The following SPINK9 variants were observed in gnomAD, a reference collection of about 807,000 sequenced individuals.
SPINK9 encodes the protein serine peptidase inhibitor Kazal type 9.
Under a neutral mutation model 10.8 loss-of-function variants are expected in SPINK9, and 3 were observed. The ratio of observed to expected loss-of-function variants is 0.28; its 90% confidence interval spans 0.13 to 0.72. SPINK9 has a LOEUF of 0.72. Ranked by LOEUF, SPINK9 falls within the 30% of genes least tolerant of loss-of-function variation. The pLI is 0.74. For synonymous variants in SPINK9, 30 were observed against 31.2 expected, an observed-to-expected ratio of 0.96 and a Z score of 0.12; for missense variants, 101 against 103.2, an observed-to-expected ratio of 0.98 and a Z score of 0.09.
In SPINK9 at chr5:148,339,730, A is replaced by G; in HGVS notation, c.*18A>G. 2 of 1,601,064 alleles carry G rather than the reference A, an allele frequency of 1.2e-6. No homozygotes were observed. The highest frequency in any genetic ancestry group is 1.7e-6 in the Non-Finnish European group (2 of 1,168,944). On this transcript the variant is annotated 3_prime_UTR_variant, in exon 4 of 4. Transcript: ENST00000377906. Reference sequence around the variant, plus strand: ...AATGTTAAATCTATCTTGTGAGTCCAAAATATCTTTTAATGCATCTATTCA... The same window carrying G: ...AATGTTAAATCTATCTTGTGAGTCCGAAATATCTTTTAATGCATCTATTCA...
chr5:148,335,896 A>T (rs1043854329), intron 1 of SPINK9, among the ~76,000 whole-genome samples: 1 of 152,214 alleles, frequency 6.6e-6, no homozygotes, highest in Non-Finnish European at 1.5e-5. Flanking sequence ...AATACTTTGT[A>T]TAATTTTTTA....
intron 2 of SPINK9, among the ~76,000 whole-genome samples, chr5:148,327,418 T>C (rs890270824): frequency 6.6e-6 from 1 of 152,172 alleles, no homozygotes; most frequent in Non-Finnish European, 1.5e-5. Flanking sequence ...CTTTGTCAGA[T>C]GAGTAGGTTG....
upstream of SPINK9, among the ~76,000 whole-genome samples, chr5:148,334,294 C>A (rs951197716): frequency 4.9e-4 from 74 of 152,018 alleles, no homozygotes; most frequent in African/African-American, 1.7e-3. Context: ...TTTACTAAAA[C>A]TAAATTTAGT....
upstream of SPINK9, among the ~76,000 whole-genome samples, chr5:148,331,685 T>C (rs373376198): frequency 6.6e-6 from 1 of 152,198 alleles, no homozygotes; most frequent in Non-Finnish European, 1.5e-5. Context: ...CCAGATTTGA[T>C]CATTCCACAA....
At chr5:148,338,649 A>G (rs1011781406) in intron 3 of SPINK9, 44 bp downstream of exon 3, 7 of 1,416,950 alleles carry the variant, frequency 4.9e-6, no homozygotes, top group Middle Eastern at 2.5e-4. Context: ...AGGTAAAAGT[A>G]TATATTAAGA....
At position 148,329,560 on chromosome 5, in the gene SPINK9, T is replaced by A. The variant is rs1056495178; in HGVS notation, c.118+5692T>A. ...TGCCTTCTGCTAGCTTTTGAATGTG[T>A]TTGCTCTTGCTTCTCTAGTTCTTTT... On this transcript the variant is annotated intron_variant, in intron 2 of 4. Transcript: ENST00000511717. Among the ~76,000 whole-genome samples, 14 of 152,346 alleles carry A rather than the reference T, an allele frequency of 9.2e-5. 1 individual carries two copies. The East Asian group carries it at 2.7e-3, about 29-fold the overall frequency.
At chr5:148,322,381 G>T (rs1267043299) in intron 1 of SPINK9, among the ~76,000 whole-genome samples, 1 of 152,132 alleles carries the variant, frequency 6.6e-6, no homozygotes, top group East Asian at 1.9e-4. Context: ...GATATAGAAT[G>T]TGCACAAAAT....
intron 1 of SPINK9, among the ~76,000 whole-genome samples, chr5:148,323,505 T>C (rs528735632): frequency 6.6e-6 from 1 of 152,312 alleles, no homozygotes; most frequent in East Asian, 1.9e-4. Context: ...TTATAAACTG[T>C]TTAATGTCAA....
upstream of SPINK9, among the ~76,000 whole-genome samples, chr5:148,331,127 C>G (rs572962675): frequency 6.6e-6 from 1 of 152,158 alleles, no homozygotes; most frequent in Non-Finnish European, 1.5e-5. Flanking sequence ...CCCAGTGAGA[C>G]GAACCCAGTA....
intron 2 of SPINK9, 21 bp from the exon 3 acceptor site, chr5:148,338,457 G>A (rs1037658795): frequency 1.3e-6 from 2 of 1,584,052 alleles, no homozygotes; most frequent in Non-Finnish European, 1.7e-6. Context: ...AGAGTTGAAG[G>A]TTTTTAATAT....
At chr5:148,331,868 G>C (rs953230521), upstream of SPINK9, among the ~76,000 whole-genome samples, 2 of 152,178 alleles carry the variant, frequency 1.3e-5, no homozygotes, top group African/African-American at 4.8e-5. Context: ...TAGCTTTGTA[G>C]TAAATTTTAA....
At chr5:148,326,759 C>T (rs993765493) in intron 2 of SPINK9, among the ~76,000 whole-genome samples, 9 of 151,836 alleles carry the variant, frequency 5.9e-5, no homozygotes, top group South Asian at 2.1e-4. Flanking sequence ...TGAGAACATG[C>T]GGTGTTTGGT....
chr5:148,336,030 A>G (rs1251193345), intron 1 of SPINK9, among the ~76,000 whole-genome samples: 1 of 152,184 alleles, frequency 6.6e-6, no homozygotes, highest in East Asian at 1.9e-4. Flanking sequence ...TTGAGTTAAA[A>G]TTGGCCTCCC....
chr5:148,324,176 A>C lies in SPINK9; in HGVS notation c.118+308A>C, dbSNP rs369865202. On this transcript the variant is annotated intron_variant, in intron 2 of 4. Transcript: ENST00000511717. Reference sequence around the variant, plus strand: ...TCAAGTTTTTTTCCCCTTGCTTGAAAAATGAAAACATTTCTATTCGTTAGA... The same window carrying C: ...TCAAGTTTTTTTCCCCTTGCTTGAACAATGAAAACATTTCTATTCGTTAGA... 5.3e-5 allele frequency among the ~76,000 whole-genome samples: 8 copies of C among 152,306 alleles called. No homozygotes were observed. The East Asian group carries it at 1.3e-3, about 26-fold the overall frequency.
In SPINK9 at chr5:148,335,582, C is replaced by G. The variant is rs1320419843; in HGVS notation, c.-32C>G. 1.9e-6 allele frequency: 3 copies of G among 1,609,760 alleles called. No individual in the cohort carries two copies. The highest frequency in any genetic ancestry group is 2.5e-6 in the Non-Finnish European group (3 of 1,177,154). On this transcript the variant is annotated 5_prime_UTR_variant, in exon 1 of 4. Coordinates refer to ENST00000377906, the MANE Select transcript of SPINK9 (RefSeq NM_001040433.2). The stretch of plus-strand genomic sequence containing the variant: ...ACGGACACCAGGTCACTTCTTTTCC[C>G]TACATCTGACTGCCTTGGCCACTTC...
exon 1 of SPINK9, chr5:148,321,338 G>T (rs1427145337): frequency 6.6e-6 from 1 of 152,108 alleles, no homozygotes; most frequent in East Asian, 1.9e-4. Flanking sequence ...GAAAGCCAAG[G>T]CTCAAGAACT....
At chr5:148,334,381 G>T (rs912472761), upstream of SPINK9, among the ~76,000 whole-genome samples, 9 of 152,084 alleles carry the variant, frequency 5.9e-5, no homozygotes, top group African/African-American at 2.2e-4. Context: ...TCAAGAAAAG[G>T]GTCCAGAGGA....
At chr5:148,325,789 G>C (rs1420349436) in intron 2 of SPINK9, among the ~76,000 whole-genome samples, 1 of 152,048 alleles carries the variant, frequency 6.6e-6, no homozygotes, top group Non-Finnish European at 1.5e-5. Flanking sequence ...TCATATCTAA[G>C]AAATCATTGC....
chr5:148,336,646 C>A (rs1471186192), intron 2 of SPINK9, among the ~76,000 whole-genome samples, 193 bp downstream of exon 2: 3 of 152,168 alleles, frequency 2.0e-5, no homozygotes, highest in Non-Finnish European at 4.4e-5. Context: ...GAGACACTAG[C>A]AACAAATTTA....
Sources: allele counts gnomAD v4.1 joint callset (sites outside exome capture counted in the v4.1 genomes callset), GRCh38; gene constraint gnomAD v4.1.1; transcripts MANE v1.5; gene names NCBI Gene and HGNC (gene_info 2026-07-23, HGNC 2026-07-21).